Variants in TENM2 observed in about 807,000 individuals in gnomAD.
TENM2 encodes teneurin-2.
A neutral mutation model predicts 245.2 loss-of-function variants in TENM2; 52 were observed. That is an observed-to-expected ratio of 0.21 (90% CI 0.17 to 0.27). The LOEUF (loss-of-function observed/expected upper bound fraction) is 0.27. Among genes scored for constraint, TENM2 ranks in the 10% least tolerant of loss-of-function variants. TENM2 has a pLI of 1.00. For synonymous variants in TENM2, 1,363 were observed against 1,438.9 expected (o/e 0.95, Z 1.19); for missense variants, 3,046 against 3,666.8 (o/e 0.83, Z 4.37).
At chr5:167,452,948 T>TATATTTTTTTTTTAA (rs1554157742) in intron 2 of TENM2, among the ~76,000 whole-genome samples, 4 of 47,510 alleles carry the variant, frequency 8.4e-5, no homozygotes, top group Admixed American at 7.9e-4. Context: ...TATATATATA[T>TATATTTTTTTTTTAA]ATATATATAT....
At chr5:167,222,017 G>A in the TENM2 span, among the ~76,000 whole-genome samples, 6 of 151,994 alleles carry the variant, frequency 3.9e-5, no homozygotes, top group East Asian at 1.9e-4. Context: ...TCAATTCTAC[G>A]TCGTTTGAGA....
chr5:167,303,705 G>C (rs972414371), intron 1 of TENM2, among the ~76,000 whole-genome samples: 1 of 152,118 alleles, frequency 6.6e-6, no homozygotes, highest in Non-Finnish European at 1.5e-5. Flanking sequence ...TTTTCAATGT[G>C]AATATGTATC....
the TENM2 span, among the ~76,000 whole-genome samples, chr5:167,091,782 AT>A: frequency 1.3e-5 from 2 of 152,158 alleles, no homozygotes; most frequent in Non-Finnish European, 1.5e-5. Context: ...TTCTAATATA[AT>A]GAAAGTAGAA....
intron 2 of TENM2, among the ~76,000 whole-genome samples, chr5:167,458,264 A>AG: frequency 6.9e-6 from 1 of 145,444 alleles, no homozygotes; most frequent in Non-Finnish European, 1.6e-5. Flanking sequence ...AGACAGGTGG[A>AG]TCACCTGAGA....
At chr5:168,119,875 T>C (rs754514053) in intron 10 of TENM2, among the ~76,000 whole-genome samples, 14 of 152,334 alleles carry the variant, frequency 9.2e-5, no homozygotes, top group Non-Finnish European at 1.6e-4. Flanking sequence ...AAAGATCCTG[T>C]TGGATGCCAT....
intron 12 of TENM2, among the ~76,000 whole-genome samples, chr5:168,144,027 T>C (rs1394700755): frequency 6.6e-6 from 1 of 151,620 alleles, no homozygotes; most frequent in East Asian, 1.9e-4. Flanking sequence ...TTTTTTTTTT[T>C]TTTGTATTTT....
chr5:167,378,609 G>A (rs1446195627), intron 2 of TENM2, among the ~76,000 whole-genome samples: 1 of 151,978 alleles, frequency 6.6e-6, no homozygotes, highest in Non-Finnish European at 1.5e-5. Context: ...TTGCTGCTGT[G>A]AAATTTGAAA....
chr5:167,878,956 C>A (rs555956925), intron 3 of TENM2, among the ~76,000 whole-genome samples: 1 of 152,224 alleles, frequency 6.6e-6, no homozygotes, highest in Admixed American at 6.5e-5. Flanking sequence ...AAAACACTTT[C>A]CAACACATCA....
At chr5:167,155,253 A>G in the TENM2 span, among the ~76,000 whole-genome samples, 2 of 152,232 alleles carry the variant, frequency 1.3e-5, no homozygotes, top group Non-Finnish European at 2.9e-5. Flanking sequence ...ATTATGCTTT[A>G]TGGAGCAGAA....
intron 2 of TENM2, among the ~76,000 whole-genome samples, chr5:167,630,375 G>C (rs774854061): frequency 6.6e-6 from 1 of 152,158 alleles, no homozygotes; most frequent in Admixed American, 6.5e-5. Context: ...GGATATGCTG[G>C]ATGAAGGGAT....
chr5:167,240,450 T>G, the TENM2 span, among the ~76,000 whole-genome samples: 1 of 152,080 alleles, frequency 6.6e-6, no homozygotes, highest in African/African-American at 2.4e-5. Flanking sequence ...TTACCTCATG[T>G]GTATCAGTTA....
intron 2 of TENM2, among the ~76,000 whole-genome samples, chr5:167,471,007 AT>A (rs1322706200): frequency 6.6e-6 from 1 of 152,154 alleles, no homozygotes; most frequent in African/African-American, 2.4e-5. Flanking sequence ...AGTCTTTAGA[AT>A]CCCTGGACCT....
At chr5:167,627,357 A>T (rs1778574739) in intron 2 of TENM2, among the ~76,000 whole-genome samples, 1 of 152,160 alleles carries the variant, frequency 6.6e-6, no homozygotes, top group Non-Finnish European at 1.5e-5. Flanking sequence ...GTGAGGTCCT[A>T]TTATCAATGT....
chr5:167,405,769 A>AACACAC (rs149621688), intron 2 of TENM2, among the ~76,000 whole-genome samples: 6,272 of 145,218 alleles, frequency 0.043, 243 homozygotes, highest in African/African-American at 0.095. Context: ...CACACACACA[A>AACACAC]ACACACACAC....
chr5:167,074,682 C>G, the TENM2 span, among the ~76,000 whole-genome samples: 1 of 152,214 alleles, frequency 6.6e-6, no homozygotes, highest in Non-Finnish European at 1.5e-5. Flanking sequence ...TACCTGTCTA[C>G]CACGGCTAGT....
At position 168,062,317 on chromosome 5, in the gene TENM2, A is replaced by G. The variant is rs1790116722; in HGVS notation, c.1515+52A>G. 1.7e-5 allele frequency: 25 copies of G among 1,456,724 alleles called. No homozygotes were observed. In the East Asian group the frequency reaches 4.3e-4, roughly 25 times the overall value. 90.2% of individuals were successfully genotyped at this position (1,456,724 alleles called of 1,614,324 possible). A position where few individuals can be genotyped will look rare whatever the true frequency, so the allele number is the denominator to read the frequency against. ...CATTTAAAAAAATATATACGTATAT[A>G]TGTGTGTGTGTATATATGCCACTTC... On this transcript the variant is annotated intron_variant, in intron 7 of 28. Coordinates refer to ENST00000518659, the Ensembl canonical transcript of TENM2.
rs1312036436 is a variant in TENM2 at position 167,782,504 on chromosome 5, G to A, written c.503-93482G>A. Among the ~76,000 whole-genome samples, 9 of 152,080 alleles carry A rather than the reference G, an allele frequency of 5.9e-5. No homozygotes were observed. In the East Asian group the frequency reaches 1.2e-3, roughly 20 times the overall value. ...TGTGCAGCCCTGGGAAGGTGAGATG[G>A]GAAGATGCTCTCACCATCCCTCAGT... On this transcript the variant is annotated intron_variant, in intron 2 of 28. Transcript: ENST00000518659.
chr5:167,922,806 C>T (rs1304074634), intron 3 of TENM2, among the ~76,000 whole-genome samples: 2 of 152,198 alleles, frequency 1.3e-5, no homozygotes, highest in African/African-American at 4.8e-5. Flanking sequence ...TCGGTGTAAG[C>T]AGTCACTCCC....
chr5:167,282,982 C>G (rs1489257524), upstream of TENM2, among the ~76,000 whole-genome samples: 1 of 152,108 alleles, frequency 6.6e-6, no homozygotes, highest in Non-Finnish European at 1.5e-5. Context: ...ACTGCTTGTG[C>G]TTTCTTATGA....
Sources: allele counts gnomAD v4.1 joint callset (sites outside exome capture counted in the v4.1 genomes callset), GRCh38; gene constraint gnomAD v4.1.1; transcripts MANE v1.5; gene names NCBI Gene and HGNC (gene_info 2026-07-23, HGNC 2026-07-21).